DACH1: variants seen among roughly 807,000 people sequenced by gnomAD.
DACH1 encodes the protein dachshund family transcription factor 1, also known as dachshund homolog 1.
A neutral mutation model predicts 54.2 loss-of-function variants in DACH1; 12 were observed. The ratio of observed to expected loss-of-function variants is 0.22; its 90% CI spans 0.14 to 0.36. The LOEUF (loss-of-function observed/expected upper bound fraction) is 0.36, where lower values mean the gene tolerates loss of function less well. Among genes scored for constraint, DACH1 ranks in the 10% least tolerant of loss-of-function variants. The pLI, the probability that DACH1 is intolerant of heterozygous loss-of-function variation, is 1.00. For missense variants in DACH1, 805 were observed against 929.8 expected (o/e 0.87, Z 1.75); for synonymous variants, 386 against 366.2 (o/e 1.05, Z -0.62).
intron 1 of DACH1, among the ~76,000 whole-genome samples, chr13:71,840,952 C>T (rs1364894564): frequency 1.3e-5 from 2 of 152,128 alleles, no homozygotes; most frequent in Admixed American, 6.5e-5. Context: ...TTCTTAGCCT[C>T]TATCTAGATT....
intron 10 of DACH1, among the ~76,000 whole-genome samples, chr13:71,453,109 G>T (rs1482425804): frequency 6.6e-6 from 1 of 152,194 alleles, no homozygotes; most frequent in Non-Finnish European, 1.5e-5. Flanking sequence ...CAGCAAGTGA[G>T]AATGGGGTAC....
At chr13:71,701,804 G>A (rs1391487675) in intron 1 of DACH1, among the ~76,000 whole-genome samples, 3 of 152,110 alleles carry the variant, frequency 2.0e-5, no homozygotes, top group African/African-American at 7.2e-5. Context: ...TTCATGATGA[G>A]GTGTGAAGGT....
chr13:71,575,165 A>G (rs1362930473), intron 3 of DACH1, among the ~76,000 whole-genome samples: 1 of 152,030 alleles, frequency 6.6e-6, no homozygotes, highest in Non-Finnish European at 1.5e-5. Context: ...GTTATCAGTT[A>G]AAACTGACTA....
intron 1 of DACH1, among the ~76,000 whole-genome samples, chr13:71,789,627 G>A (rs919090427): frequency 6.6e-6 from 1 of 152,068 alleles, no homozygotes; most frequent in Non-Finnish European, 1.5e-5. Flanking sequence ...GAAGGCAGCT[G>A]TTGCACACTA....
chr13:71,792,497 TAATAGAC>T (rs1456359475), intron 1 of DACH1, among the ~76,000 whole-genome samples: 2 of 152,160 alleles, frequency 1.3e-5, no homozygotes, highest in African/African-American at 4.8e-5. Context: ...TTAGTTTTGA[TAATAGAC>T]AATAAATTCT....
chr13:71,644,672 C>A (rs1057362594), intron 2 of DACH1, among the ~76,000 whole-genome samples: 47 of 152,210 alleles, frequency 3.1e-4, no homozygotes, highest in African/African-American at 1.0e-3. Context: ...GGGCACCCAA[C>A]CCTATTCCAC....
chr13:71,620,017 T>C (rs2138539546), intron 3 of DACH1, among the ~76,000 whole-genome samples: 1 of 152,056 alleles, frequency 6.6e-6, no homozygotes, highest in African/African-American at 2.4e-5. Flanking sequence ...CTGGTAACTG[T>C]AGGAGGCTGA....
At chr13:71,607,688 T>A (rs1008129477) in intron 3 of DACH1, among the ~76,000 whole-genome samples, 4 of 152,026 alleles carry the variant, frequency 2.6e-5, no homozygotes, top group Admixed American at 2.6e-4. Flanking sequence ...TACTAAGTTA[T>A]GGTAAACTTA....
At chr13:71,578,048 T>A (rs1311597631) in intron 3 of DACH1, among the ~76,000 whole-genome samples, 1 of 152,176 alleles carries the variant, frequency 6.6e-6, no homozygotes, top group Non-Finnish European at 1.5e-5. Flanking sequence ...CTGTAAAATA[T>A]AAATGCCTTT....
chr13:71,636,340 A>G (rs548007511), intron 2 of DACH1, among the ~76,000 whole-genome samples: 3 of 152,268 alleles, frequency 2.0e-5, no homozygotes, highest in Non-Finnish European at 2.9e-5. Flanking sequence ...ATCTAATTTT[A>G]TCATCAGAAA....
intron 1 of DACH1, among the ~76,000 whole-genome samples, chr13:71,795,324 T>C (rs303942): frequency 0.51 from 77,514 of 151,896 alleles, 21,262 homozygotes; most frequent in East Asian, 0.86. Flanking sequence ...TCTCCCAAAT[T>C]CCATACAATT....
intron 1 of DACH1, among the ~76,000 whole-genome samples, chr13:71,728,301 T>C (rs1339527205): frequency 6.6e-6 from 1 of 152,024 alleles, no homozygotes; most frequent in Non-Finnish European, 1.5e-5. Flanking sequence ...CATATCTCTT[T>C]GGAAACACCC....
At chr13:71,718,575 G>GAAAAAAA (rs11318583) in intron 1 of DACH1, among the ~76,000 whole-genome samples, 1 of 134,032 alleles carries the variant, frequency 7.5e-6, no homozygotes. Context: ...GACCATATCT[G>GAAAAAAA]AAAAAAAAAA....
chr13:71,776,837 G>T (rs1175866005), intron 1 of DACH1, among the ~76,000 whole-genome samples: 3 of 151,220 alleles, frequency 2.0e-5, no homozygotes, highest in Admixed American at 2.0e-4. Context: ...TTTTTTCTTT[G>T]TCTTCTTTAT....
rs759331412 is a variant in DACH1 at position 71,572,946 on chromosome 13, A to G, written c.1193T>C (p.Val398Ala). 3 of 1,614,106 alleles carry G rather than the reference A, an allele frequency of 1.9e-6. No homozygotes were observed. In the Admixed American group the frequency reaches 5.0e-5, roughly 27 times the overall value. ...LIPVSLPPAS[V>A]TMAMSQMNHL... is the part of the protein sequence containing the mutation. ...GTTCATCTGGCTCATTGCCATGGTG[A>G]CAGATGCTGGAGGTAGGCTGACAGG... is the stretch of plus-strand genomic sequence containing the variant. Residue 398 changes from valine (V) to alanine (A), a missense_variant, in exon 4 of 11, where the codon GTC becomes GCC. Physicochemically the swap from Val to Ala is moderately conservative, Grantham distance 64. This residue lies in a region of DACH1 where 472 missense variants were observed against 545.3 expected (regional missense o/e 0.87). Transcript: ENST00000613252.
chr13:71,717,196 C>A (rs952747902), intron 1 of DACH1, among the ~76,000 whole-genome samples: 1 of 151,910 alleles, frequency 6.6e-6, no homozygotes, highest in Non-Finnish European at 1.5e-5. Context: ...ATTTTGTGTG[C>A]TACAAAAAAT....
Position 71,656,959 on chromosome 13 carries a change from A to T in DACH1, c.964+24836T>A, listed in dbSNP as rs1287999710. ...ATATATATATATATATGCGCATATA[A>T]ATATGCACATATATATGAACATATA... On this transcript the variant is annotated intron_variant, in intron 2 of 10. Transcript: ENST00000613252. 9.3e-4 allele frequency among the ~76,000 whole-genome samples: 67 copies of T among 72,430 alleles called. 1 individual carries two copies. Among genetic ancestry groups the T allele is most frequent in the African/African-American group, 2.2e-3 (46 of 21,268 alleles). 47.5% of individuals were successfully genotyped at this position (72,430 alleles called of 152,430 possible). A position where few individuals can be genotyped will look rare whatever the true frequency, so the allele number is the denominator to read the frequency against.
In DACH1 at chr13:71,573,030, A is replaced by T; in HGVS notation, c.1127-18T>A. 6.2e-7 allele frequency: 1 copy of T among 1,610,782 alleles called. No homozygotes were observed. Among genetic ancestry groups the T allele is most frequent in the Non-Finnish European group, 8.5e-7 (1 of 1,178,042 alleles). On this transcript the variant is annotated intron_variant, in intron 3 of 10. Transcript: ENST00000613252. ...TTCCAGTCCTATAAAAAATGCACAT[A>T]TATCATCATTGCTCTGGAGGACATA...
At chr13:71,700,842 C>A (rs976943023) in intron 1 of DACH1, among the ~76,000 whole-genome samples, 4 of 152,056 alleles carry the variant, frequency 2.6e-5, no homozygotes, top group African/African-American at 9.7e-5. Flanking sequence ...TTTCCACATC[C>A]CTGATTCTAT....
Sources: gnomAD v4.1 joint callset for allele counts (sites outside exome capture counted in the v4.1 genomes callset) on GRCh38, gnomAD v4.1.1 for gene constraint, gnomAD v4.1.1 regional missense constraint, MANE v1.5 for transcripts, NCBI Gene and HGNC (gene_info 2026-07-23, HGNC 2026-07-21) for gene names.